TRPC5: variants seen among roughly 807,000 people sequenced by gnomAD.
The protein encoded by TRPC5 is short transient receptor potential channel 5.
TRPC5 carries 9 observed loss-of-function variants against 56.5 expected under a neutral mutation model. The ratio of observed to expected loss-of-function variants is 0.16; its 90% CI spans 0.10 to 0.28. TRPC5 has a LOEUF of 0.28. TRPC5 is among the 10% of genes least tolerant of loss of function. TRPC5 has a pLI of 1.00. For synonymous variants in TRPC5, 282 were observed against 278.5 expected, an observed-to-expected ratio of 1.01 and a Z score of -0.13; for missense variants, 469 against 748.9, an observed-to-expected ratio of 0.63 and a Z score of 4.36.
rs935258113 is a variant in TRPC5 at position 111,934,077 on chromosome X, T to C, written c.378+17966A>G. Among the ~76,000 whole-genome samples the C allele has an allele frequency of 2.7e-5, 3 of 110,658 alleles. No individual in the cohort carries two copies. The Admixed American group carries it at 2.9e-4, about 11-fold the overall frequency. ...AAATATTTTCTCCTACGCTTTAGGT[T>C]GTCTCTTCACTCTGTTATTTCCTTC... On this transcript the variant is annotated intron_variant, in intron 2 of 10. Coordinates refer to ENST00000262839, the MANE Select transcript of TRPC5 (RefSeq NM_012471.3).
chrX:111,893,117 A>G (rs1569527548), intron 3 of TRPC5, among the ~76,000 whole-genome samples: 3 of 100,644 alleles, frequency 3.0e-5, no homozygotes, highest in Admixed American at 2.2e-4. Flanking sequence ...TCCTATTCTT[A>G]TAACCACTAG....
At chrX:111,968,660 T>G (rs1927680259) in intron 1 of TRPC5, among the ~76,000 whole-genome samples, 1 of 107,813 alleles carries the variant, frequency 9.3e-6, no homozygotes, top group East Asian at 3.0e-4. Flanking sequence ...AAATGATGAG[T>G]TCATGTCCTT....
intron 3 of TRPC5, among the ~76,000 whole-genome samples, chrX:111,883,605 T>C (rs1022433486): frequency 8.9e-6 from 1 of 112,582 alleles, no homozygotes; most frequent in Non-Finnish European, 1.9e-5. Context: ...CGAATTTTGA[T>C]AAAGTATAGC....
intron 7 of TRPC5, among the ~76,000 whole-genome samples, chrX:111,791,019 C>CAAAAAAA (rs753897017): frequency 7.5e-4 from 7 of 9,299 alleles, no homozygotes; most frequent in Non-Finnish European, 1.3e-3. Context: ...GACTCCATCT[C>CAAAAAAA]AAAAAAAAAA....
At chrX:111,876,151 G>T (rs1923935293) in intron 3 of TRPC5, 1 of 111,168 alleles carries the variant, frequency 9.0e-6, no homozygotes, top group Non-Finnish European at 1.9e-5. Flanking sequence ...GGAAGAGGAG[G>T]TTACCTACCA....
chrX:111,969,065 A>G (rs887439154), intron 1 of TRPC5, among the ~76,000 whole-genome samples: 2 of 110,559 alleles, frequency 1.8e-5, no homozygotes, highest in Admixed American at 1.9e-4. Context: ...AAAACAAAAA[A>G]AATTGCCACA....
intron 1 of TRPC5, among the ~76,000 whole-genome samples, chrX:112,019,735 A>G (rs959404702): frequency 8.9e-6 from 1 of 111,993 alleles, no homozygotes; most frequent in Non-Finnish European, 1.9e-5. Context: ...GTGCCTGGCC[A>G]ATAACTCCGC....
chrX:111,900,759 A>C (rs930361879), intron 3 of TRPC5, among the ~76,000 whole-genome samples: 3 of 111,930 alleles, frequency 2.7e-5, no homozygotes, highest in Non-Finnish European at 5.6e-5. Context: ...CAAATAAACA[A>C]GTGAGTAAGA....
At chrX:111,951,359 C>G (rs772546936) in intron 2 of TRPC5, among the ~76,000 whole-genome samples, 1 of 111,581 alleles carries the variant, frequency 9.0e-6, no homozygotes, top group Non-Finnish European at 1.9e-5. Flanking sequence ...TGGTGAAAGA[C>G]GAACTAGAGA....
rs1569527437 is a variant in TRPC5, at chrX:111,888,715, A to AT, written c.900+23575_900+23576insA. On this transcript the variant is annotated intron_variant, in intron 3 of 10. Coordinates refer to ENST00000262839, the MANE Select transcript of TRPC5 (RefSeq NM_012471.3). ...TCTCAAAAAAAAAAAAAAAAAAAAA[A>AT]AAAAGAAAGAAAAGAAAAGAAAAGA... Among the ~76,000 whole-genome samples the AT allele has an allele frequency of 3.0e-3, 316 of 104,629 alleles. 4 individuals are homozygous for AT. Among genetic ancestry groups the AT allele is most frequent in the African/African-American group, 0.011 (311 of 28,598 alleles). 90.9% of individuals were successfully genotyped at this position (104,629 alleles called of 115,157 possible). A position where few individuals can be genotyped will look rare whatever the true frequency, so the allele number is the denominator to read the frequency against.
At chrX:111,885,427 T>A (rs1235292862) in intron 3 of TRPC5, among the ~76,000 whole-genome samples, 1 of 111,122 alleles carries the variant, frequency 9.0e-6, no homozygotes, top group East Asian at 2.8e-4. Flanking sequence ...AAGACTAGAG[T>A]GCCCAACTCA....
At chrX:111,967,405 C>T (rs1317489276) in intron 1 of TRPC5, among the ~76,000 whole-genome samples, 5 of 110,851 alleles carry the variant, frequency 4.5e-5, no homozygotes, top group Non-Finnish European at 9.4e-5. Context: ...CCATACTGCC[C>T]AAGGTAATTT....
chrX:112,079,854 C>T (rs1051261104), intron 1 of TRPC5, among the ~76,000 whole-genome samples: 7 of 111,485 alleles, frequency 6.3e-5, no homozygotes, highest in South Asian at 3.8e-4. Context: ...CCTGAACCTG[C>T]TCACATGCTT....
chrX:112,052,808 C>G (rs1930248061), intron 1 of TRPC5, among the ~76,000 whole-genome samples: 1 of 111,437 alleles, frequency 9.0e-6, no homozygotes, highest in Non-Finnish European at 1.9e-5. Context: ...AGGTAAGGGT[C>G]CAACTTCATT....
rs77870285 is a variant in TRPC5 at position 111,885,557 on chromosome X, T to TAAA, written c.900+26731_900+26733dup. Among the ~76,000 whole-genome samples, 95 of 106,221 alleles carry TAAA rather than the reference T, an allele frequency of 8.9e-4. No homozygotes were observed. In the East Asian group the frequency reaches 0.021, roughly 23 times the overall value. 92.2% of individuals were successfully genotyped at this position (106,221 alleles called of 115,157 possible). Reference sequence around the variant, plus strand: ...TAATCAAAGGGTTTTTTTTTTTTTTTAAAAAAAGAAAACTTTTCTTTGTCT... The same window carrying TAAA: ...TAATCAAAGGGTTTTTTTTTTTTTTTAAAAAAAAAAGAAAACTTTTCTTTGTCT... On this transcript the variant is annotated intron_variant, in intron 3 of 10. Coordinates refer to ENST00000262839, the MANE Select transcript of TRPC5 (RefSeq NM_012471.3).
At chrX:111,914,182 A>AT (rs1381545186) in intron 2 of TRPC5, among the ~76,000 whole-genome samples, 3 of 111,032 alleles carry the variant, frequency 2.7e-5, no homozygotes, top group Non-Finnish European at 5.7e-5. Context: ...GGAAATATTG[A>AT]TTTTTATTAC....
At chrX:111,954,466 G>A (rs942462019) in intron 1 of TRPC5, among the ~76,000 whole-genome samples, 1 of 111,727 alleles carries the variant, frequency 9.0e-6, no homozygotes, top group Non-Finnish European at 1.9e-5. Context: ...AGGCACTGCC[G>A]AGTGCAACAA....
chrX:111,846,209 A>T (rs1922921754), intron 6 of TRPC5, among the ~76,000 whole-genome samples: 1 of 111,538 alleles, frequency 9.0e-6, no homozygotes, highest in Non-Finnish European at 1.9e-5. Context: ...TAGTTTAATG[A>T]CTAAGAATCT....
At position 111,771,510 on chromosome X, in the gene TRPC5, A is replaced by G. The variant is rs1307692335; in HGVS notation, c.*4803T>C. Among the ~76,000 whole-genome samples the G allele has an allele frequency of 2.7e-5, 3 of 111,378 alleles. No individual in the cohort carries two copies. The highest frequency in any genetic ancestry group is 2.8e-4 in the East Asian group (1 of 3,534). ...TAGAGCACACTGGCTTGCTGCCTCT[A>G]TCATTCCAGCAGTTAACTCTGTTTC... is the stretch of plus-strand genomic sequence containing the variant. On this transcript the variant is annotated 3_prime_UTR_variant, in exon 11 of 11. Transcript: ENST00000262839.
Sources: allele counts gnomAD v4.1 joint callset (sites outside exome capture counted in the v4.1 genomes callset), GRCh38; gene constraint gnomAD v4.1.1; transcripts MANE v1.5; gene names NCBI Gene and HGNC (gene_info 2026-07-23, HGNC 2026-07-21).